The following NALF1 variants were observed in gnomAD, a reference collection of about 807,000 sequenced individuals.
NALF1 encodes NALCN channel auxiliary factor 1.
NALF1 carries 3 observed loss-of-function variants against 48.4 expected under a neutral mutation model. The ratio of observed to expected loss-of-function variants is 0.06; its 90% confidence interval spans 0.03 to 0.16. The LOEUF (loss-of-function observed/expected upper bound fraction) is 0.16, where lower values mean the gene tolerates loss of function less well. Ranked by LOEUF, NALF1 falls within the 10% of genes least tolerant of loss-of-function variation. The pLI, the probability that NALF1 is intolerant of heterozygous loss-of-function variation, is 1.00. For synonymous variants in NALF1, 262 were observed against 245.7 expected, an observed-to-expected ratio of 1.07 and a Z score of -0.62; for missense variants, 526 against 571.5, an observed-to-expected ratio of 0.92 and a Z score of 0.81.
intron 1 of NALF1, among the ~76,000 whole-genome samples, chr13:107,584,370 AT>A (rs1311246622): frequency 1.3e-5 from 2 of 152,190 alleles, no homozygotes; most frequent in East Asian, 3.9e-4. Context: ...AATTGAAAGT[AT>A]TTTAATGCAT....
intron 1 of NALF1, among the ~76,000 whole-genome samples, chr13:107,316,928 T>C (rs1370418382): frequency 6.6e-6 from 1 of 152,150 alleles, no homozygotes; most frequent in Non-Finnish European, 1.5e-5. Context: ...TAAGTCATCA[T>C]TGCAATGAAC....
At chr13:107,645,443 C>T (rs1354125762) in intron 1 of NALF1, among the ~76,000 whole-genome samples, 7 of 152,074 alleles carry the variant, frequency 4.6e-5, no homozygotes, top group South Asian at 2.1e-4. Context: ...AAATGGAATG[C>T]TGTTACTATT....
intron 1 of NALF1, among the ~76,000 whole-genome samples, chr13:107,797,250 G>C (rs1462335663): frequency 6.6e-6 from 1 of 152,084 alleles, no homozygotes; most frequent in Non-Finnish European, 1.5e-5. Context: ...CTGTCACCCA[G>C]GCTGGAGTGC....
intron 1 of NALF1, among the ~76,000 whole-genome samples, chr13:107,582,746 T>C (rs2138411664): frequency 6.6e-6 from 1 of 152,318 alleles, no homozygotes; most frequent in South Asian, 2.1e-4. Flanking sequence ...GAGTTCATAT[T>C]TAAGATCAAA....
chr13:107,375,648 T>C (rs1883323198), intron 1 of NALF1, among the ~76,000 whole-genome samples: 1 of 152,158 alleles, frequency 6.6e-6, no homozygotes, highest in Non-Finnish European at 1.5e-5. Context: ...ATCAGTTTAA[T>C]TTCTAATAAT....
intron 2 of NALF1, among the ~76,000 whole-genome samples, chr13:107,184,083 C>A (rs1566444203): frequency 1.3e-5 from 2 of 150,426 alleles, no homozygotes; most frequent in African/African-American, 4.9e-5. Context: ...GTTCAAGGTT[C>A]AGGTGGTTGA....
At chr13:107,451,332 C>T (rs1884736726) in intron 1 of NALF1, among the ~76,000 whole-genome samples, 1 of 152,126 alleles carries the variant, frequency 6.6e-6, no homozygotes, top group African/African-American at 2.4e-5. Flanking sequence ...CCTGATTCCC[C>T]CTCCTATTTA....
chr13:107,776,866 GGATCCCTTGA>G (rs1315901476), intron 1 of NALF1, among the ~76,000 whole-genome samples: 2 of 152,222 alleles, frequency 1.3e-5, no homozygotes, highest in Non-Finnish European at 2.9e-5. Context: ...CCAGGCAGGA[GGATCCCTTGA>G]GACCAGGAAT....
chr13:107,274,189 G>C (rs1013813025), intron 1 of NALF1, among the ~76,000 whole-genome samples: 2 of 152,060 alleles, frequency 1.3e-5, no homozygotes, highest in African/African-American at 2.4e-5. Context: ...TACACACTTG[G>C]GTAACAACAG....
chr13:107,710,183 A>G (rs1316440959), intron 1 of NALF1, among the ~76,000 whole-genome samples: 1 of 152,150 alleles, frequency 6.6e-6, no homozygotes, highest in African/African-American at 2.4e-5. Context: ...AAAAAAAGAA[A>G]GAAAGAAAAG....
Position 107,167,295 on chromosome 13 carries a change from G to T in NALF1, c.*3202C>A, listed in dbSNP as rs914836028. 1 of 152,144 alleles carries T rather than the reference G, an allele frequency of 6.6e-6. No homozygotes were observed. Among genetic ancestry groups the T allele is most frequent in the African/African-American group, 2.4e-5 (1 of 41,446 alleles). The allele number at this position is 152,144 out of a possible 1,614,324, so 9.4% of individuals were successfully genotyped here. On this transcript the variant is annotated 3_prime_UTR_variant, in exon 3 of 3. Transcript: ENST00000375915. ...CAAGATGATGATTACAAAGGAGCAG[G>T]GGCTGAACTTATTTGTTCAAAATGA...
intron 1 of NALF1, among the ~76,000 whole-genome samples, chr13:107,691,359 G>A (rs919564250): frequency 1.3e-5 from 2 of 152,158 alleles, no homozygotes; most frequent in African/African-American, 4.8e-5. Flanking sequence ...TACTCAGTTT[G>A]TGACACTTCG....
chr13:107,373,748 G>T (rs952140422), intron 1 of NALF1, among the ~76,000 whole-genome samples: 1 of 151,324 alleles, frequency 6.6e-6, no homozygotes. Flanking sequence ...TTTTGTTTTC[G>T]TTTTTTTTGG....
At chr13:107,842,364 T>C (rs1880065709) in intron 1 of NALF1, among the ~76,000 whole-genome samples, 2 of 152,042 alleles carry the variant, frequency 1.3e-5, no homozygotes, top group African/African-American at 4.8e-5. Context: ...ATTTAGTATA[T>C]TGCCTTTAAG....
At chr13:107,435,480 C>T (rs897573578) in intron 1 of NALF1, among the ~76,000 whole-genome samples, 6 of 152,142 alleles carry the variant, frequency 3.9e-5, no homozygotes, top group African/African-American at 1.4e-4. Flanking sequence ...TAAACGGCTA[C>T]TCCAGGATTA....
chr13:107,543,386 T>C (rs1361552258), intron 1 of NALF1, among the ~76,000 whole-genome samples: 1 of 152,062 alleles, frequency 6.6e-6, no homozygotes, highest in Non-Finnish European at 1.5e-5. Context: ...TAAGATACTA[T>C]TCAGGCTCAC....
intron 1 of NALF1, among the ~76,000 whole-genome samples, chr13:107,649,731 G>A (rs1880399698): frequency 6.6e-6 from 1 of 152,074 alleles, no homozygotes; most frequent in African/African-American, 2.4e-5. Flanking sequence ...ATAATTAAAA[G>A]GAAAGCTACA....
intron 1 of NALF1, among the ~76,000 whole-genome samples, chr13:107,266,392 A>G (rs3949948): frequency 0.38 from 57,067 of 152,124 alleles, 11,985 homozygotes; most frequent in South Asian, 0.59. Flanking sequence ...TGTACACCCC[A>G]CCTGGAAAAT....
intron 1 of NALF1, among the ~76,000 whole-genome samples, chr13:107,603,996 T>C (rs1381581008): frequency 6.6e-6 from 1 of 152,190 alleles, no homozygotes; most frequent in Non-Finnish European, 1.5e-5. Context: ...GAGGTAAAAG[T>C]CATTCTCAAT....
Sources: gnomAD v4.1 joint callset for allele counts (sites outside exome capture counted in the v4.1 genomes callset) on GRCh38, gnomAD v4.1.1 for gene constraint, MANE v1.5 for transcripts, NCBI Gene and HGNC (gene_info 2026-07-23, HGNC 2026-07-21) for gene names.